EFHC2: variants seen among roughly 807,000 people sequenced by gnomAD.
EFHC2 encodes EF-hand domain-containing family member C2.
In EFHC2, 18 loss-of-function variants were observed where a neutral mutation model predicts 52.7. The observed-to-expected ratio is 0.34, with a 90% CI of 0.24 to 0.51. The LOEUF (loss-of-function observed/expected upper bound fraction) is 0.51, where lower values mean the gene tolerates loss of function less well. Ranked by LOEUF, EFHC2 falls within the 20% of genes least tolerant of loss-of-function variation. EFHC2 has a pLI of 0.97. For missense variants in EFHC2, 513 were observed against 562.5 expected (o/e 0.91, Z 0.89); for synonymous variants, 203 against 204.1 (o/e 0.99, Z 0.04).
Position 44,172,968 on chromosome X carries a change from C to A in EFHC2, c.2042+3324G>T, listed in dbSNP as rs867281574. Among the ~76,000 whole-genome samples the A allele has an allele frequency of 4.5e-5, 5 of 111,101 alleles. No individual in the cohort carries two copies. In the East Asian group the frequency reaches 1.4e-3, roughly 31 times the overall value. ...CACAAACTGACAGGGGCTGAGGTAA[C>A]CAGGTACAAAAAGGTTTTGAAGTCC... On this transcript the variant is annotated intron_variant, in intron 13 of 14. Coordinates refer to ENST00000420999, the MANE Select transcript of EFHC2 (RefSeq NM_025184.4).
At chrX:44,239,176 C>A (rs2037342308) in intron 8 of EFHC2, among the ~76,000 whole-genome samples, 1 of 111,830 alleles carries the variant, frequency 8.9e-6, no homozygotes, top group East Asian at 2.8e-4. Context: ...AGCAGATGGA[C>A]AATATCTGTA....
intron 1 of EFHC2, among the ~76,000 whole-genome samples, chrX:44,318,784 C>T (rs1248425136): frequency 9.0e-6 from 1 of 111,126 alleles, no homozygotes; most frequent in Non-Finnish European, 1.9e-5. Context: ...GTCCCCTCAC[C>T]ATCTAACATA....
chrX:44,326,450 A>T (rs2038052510), intron 1 of EFHC2, among the ~76,000 whole-genome samples: 1 of 111,233 alleles, frequency 9.0e-6, no homozygotes, highest in Admixed American at 9.7e-5. Flanking sequence ...TGATTTGCTC[A>T]TTACACATTG....
At chrX:44,192,061 A>AGTGTGTGTGT (rs3037410) in intron 11 of EFHC2, among the ~76,000 whole-genome samples, 29 of 95,344 alleles carry the variant, frequency 3.0e-4, no homozygotes, top group African/African-American at 4.9e-4. Context: ...CACATATGTA[A>AGTGTGTGTGT]GTGTGTGTGT....
intron 7 of EFHC2, among the ~76,000 whole-genome samples, chrX:44,242,500 A>G (rs919367431): frequency 4.6e-5 from 5 of 109,557 alleles, no homozygotes; most frequent in Non-Finnish European, 5.7e-5. Context: ...CCATTGGTTC[A>G]AAAGTTAAAA....
Position 44,248,419 on chromosome X carries a change from G to A in EFHC2, c.973-9C>T, listed in dbSNP as rs763883697. ...TGGTCTACTTTTCCTAGCTAAAAAAGACAAAGGAACATAGCATTGGCACCA... is the reference window on the plus strand; with the variant it reads ...TGGTCTACTTTTCCTAGCTAAAAAAAACAAAGGAACATAGCATTGGCACCA... On this transcript the variant is annotated splice_polypyrimidine_tract_variant and intron_variant, in intron 6 of 14. Coordinates refer to ENST00000420999, the MANE Select transcript of EFHC2 (RefSeq NM_025184.4). 2.5e-6 allele frequency: 3 copies of A among 1,187,300 alleles called. No individual in the cohort carries two copies. Among genetic ancestry groups the A allele is most frequent in the Non-Finnish European group, 3.4e-6 (3 of 883,437 alleles).
At chrX:44,309,625 G>A in intron 2 of EFHC2, 2 of 1,148,529 alleles carry the variant, frequency 1.7e-6, no homozygotes, top group East Asian at 3.0e-5. Context: ...TTTCTCCTCC[G>A]ATGGTTTGTG....
At chrX:44,279,045 A>G (rs2037682339) in intron 2 of EFHC2, among the ~76,000 whole-genome samples, 1 of 112,338 alleles carries the variant, frequency 8.9e-6, no homozygotes, top group African/African-American at 3.2e-5. Flanking sequence ...CAATGATTCA[A>G]ACAAAAGCTT....
intron 11 of EFHC2, among the ~76,000 whole-genome samples, chrX:44,189,159 G>A (rs2036901157): frequency 9.3e-6 from 1 of 108,099 alleles, no homozygotes; most frequent in Non-Finnish European, 1.9e-5. Context: ...CAAGAAGATG[G>A]TATAATACAT....
At chrX:44,191,008 T>C (rs957113994) in intron 11 of EFHC2, among the ~76,000 whole-genome samples, 1 of 111,238 alleles carries the variant, frequency 9.0e-6, no homozygotes, top group Non-Finnish European at 1.9e-5. Flanking sequence ...GAATACAAAT[T>C]AGGATAAAAT....
At chrX:44,226,716 G>A (rs928863051) in intron 11 of EFHC2, among the ~76,000 whole-genome samples, 5 of 109,346 alleles carry the variant, frequency 4.6e-5, no homozygotes, top group African/African-American at 1.7e-4. Context: ...TACACAGGGA[G>A]GGGAACATCA....
At chrX:44,324,719 C>G (rs188781682) in intron 1 of EFHC2, among the ~76,000 whole-genome samples, 1 of 111,594 alleles carries the variant, frequency 9.0e-6, no homozygotes, top group Admixed American at 9.6e-5. Flanking sequence ...CATGTGGGGC[C>G]CATAAAATCC....
chrX:44,339,865 T>C (rs939151360), intron 1 of EFHC2, among the ~76,000 whole-genome samples: 3 of 111,707 alleles, frequency 2.7e-5, no homozygotes, highest in Non-Finnish European at 5.6e-5. Context: ...GTTTTTAAAA[T>C]ATTAATTTGT....
chrX:44,172,649 A>G (rs1351547232), intron 13 of EFHC2, among the ~76,000 whole-genome samples: 2 of 112,408 alleles, frequency 1.8e-5, no homozygotes, highest in Non-Finnish European at 3.8e-5. Context: ...TTGTAGTTCT[A>G]CTTCCATTAG....
chrX:44,213,533 G>A (rs1173290329), intron 11 of EFHC2, among the ~76,000 whole-genome samples: 2 of 111,954 alleles, frequency 1.8e-5, no homozygotes, highest in Admixed American at 1.9e-4. Flanking sequence ...ACAACTCAAA[G>A]GGCGAGGGCT....
intron 11 of EFHC2, among the ~76,000 whole-genome samples, chrX:44,223,354 G>C (rs1245106239): frequency 8.9e-6 from 1 of 112,469 alleles, no homozygotes; most frequent in Non-Finnish European, 1.9e-5. Context: ...GTGCAGCAAT[G>C]AGTCATGGGT....
At chrX:44,196,414 A>T (rs1363850100) in intron 11 of EFHC2, among the ~76,000 whole-genome samples, 1 of 111,712 alleles carries the variant, frequency 9.0e-6, no homozygotes, top group Non-Finnish European at 1.9e-5. Flanking sequence ...TATTTTTAGC[A>T]TTTGCATATT....
chrX:44,310,401 T>G, intron 2 of EFHC2: 1 of 1,012,790 alleles, frequency 9.9e-7, no homozygotes, highest in Non-Finnish European at 1.3e-6. Context: ...TCGACCAGGC[T>G]GAGCCCCTTC....
intron 2 of EFHC2, among the ~76,000 whole-genome samples, chrX:44,295,989 T>C (rs1320598426): frequency 1.8e-5 from 2 of 111,160 alleles, no homozygotes; most frequent in Non-Finnish European, 3.8e-5. Flanking sequence ...TCCACACTTC[T>C]CCCCCAAAAA....
Sources: allele counts gnomAD v4.1 joint callset (sites outside exome capture counted in the v4.1 genomes callset), GRCh38; gene constraint gnomAD v4.1.1; transcripts MANE v1.5; gene names NCBI Gene and HGNC (gene_info 2026-07-23, HGNC 2026-07-21).